Variants in WDR27 observed in about 807,000 individuals in gnomAD.
The protein encoded by WDR27 is WD repeat domain 27.
Under a neutral mutation model 114.4 loss-of-function variants are expected in WDR27, and 100 were observed. The observed-to-expected ratio is 0.87, with a 90% CI of 0.74 to 1.03. The LOEUF (loss-of-function observed/expected upper bound fraction) is 1.03. Among genes scored for constraint, WDR27 ranks in the 50% least tolerant of loss-of-function variants. WDR27 has a pLI of 0.00. For synonymous variants in WDR27, 449 were observed against 423.1 expected, an observed-to-expected ratio of 1.06 and a Z score of -0.75; for missense variants, 1,129 against 1,092.9, an observed-to-expected ratio of 1.03 and a Z score of -0.47.
At chr6:169,528,943 A>G (rs1795257322) in intron 25 of WDR27, among the ~76,000 whole-genome samples, 1 of 152,246 alleles carries the variant, frequency 6.6e-6, no homozygotes, top group East Asian at 1.9e-4. Context: ...AACAGCTATT[A>G]AACAGTGAAG....
chr6:169,570,575 T>C (rs1462878397), intron 25 of WDR27, among the ~76,000 whole-genome samples: 1 of 152,218 alleles, frequency 6.6e-6, no homozygotes, highest in Non-Finnish European at 1.5e-5. Flanking sequence ...ACGCCTGTAA[T>C]CCCAACACTT....
At chr6:169,479,892 C>T (rs148515963) in intron 25 of WDR27, among the ~76,000 whole-genome samples, 167 of 152,324 alleles carry the variant, frequency 1.1e-3, no homozygotes, top group African/African-American at 3.8e-3. Flanking sequence ...TAGCAGCCCT[C>T]GCTTGCTCTC....
At position 169,576,766 on chromosome 6, in the gene WDR27, C is replaced by CAAA. The variant is rs34375216; in HGVS notation, c.2524-4229_2524-4227dup. ...TGGGCAAGAGTGAGACCCTTTCTCA[C>CAAA]AAAAAAAAAAAAGACAAGAAAAGAA... On this transcript the variant is annotated intron_variant, in intron 24 of 25. Coordinates refer to ENST00000448612, the MANE Select transcript of WDR27 (RefSeq NM_182552.5). 7.6e-4 allele frequency among the ~76,000 whole-genome samples: 104 copies of CAAA among 137,470 alleles called. 1 individual carries two copies. Among genetic ancestry groups the CAAA allele is most frequent in the Non-Finnish European group, 9.0e-4 (58 of 64,118 alleles). The allele number at this position is 137,470 out of a possible 152,430, so 90.2% of individuals were successfully genotyped here.
chr6:169,577,373 C>T (rs972670184), intron 24 of WDR27, among the ~76,000 whole-genome samples: 33 of 152,190 alleles, frequency 2.2e-4, no homozygotes, highest in Admixed American at 7.9e-4. Flanking sequence ...CGGGCATCTG[C>T]GAACGGGCGG....
chr6:169,632,921 T>C (rs756427769), intron 21 of WDR27, 26 bp downstream of exon 21: 5 of 1,571,098 alleles, frequency 3.2e-6, no homozygotes, highest in Non-Finnish European at 4.4e-6. Flanking sequence ...TTACAGATGA[T>C]ACATGTTATC....
At chr6:169,498,850 G>C in intron 25 of WDR27, among the ~76,000 whole-genome samples, 1 of 152,280 alleles carries the variant, frequency 6.6e-6, no homozygotes, top group South Asian at 2.1e-4. Flanking sequence ...TGGTTTAAAA[G>C]AACAACAGGA....
intron 25 of WDR27, among the ~76,000 whole-genome samples, chr6:169,528,349 A>G (rs2128075336): frequency 6.6e-6 from 1 of 152,226 alleles, no homozygotes; most frequent in South Asian, 2.1e-4. Context: ...ATATGGTTCC[A>G]TTTTTTGCGG....
intron 25 of WDR27, among the ~76,000 whole-genome samples, chr6:169,516,836 C>CACACACACACACA (rs1562522095): frequency 1.2e-4 from 18 of 149,786 alleles, no homozygotes; most frequent in Non-Finnish European, 2.1e-4. Context: ...CACACACACA[C>CACACACACACACA]CCCTCCCTTA....
rs563418138 is a variant in WDR27, at chr6:169,666,786, C to T, written c.712+350G>A. 3.9e-6 allele frequency: 4 copies of T among 1,013,470 alleles called. No individual in the cohort carries two copies. The Admixed American group carries it at 2.4e-4, about 60-fold the overall frequency. 62.8% of individuals were successfully genotyped at this position (1,013,470 alleles called of 1,614,324 possible). The stretch of plus-strand genomic sequence containing the variant: ...CTCACGCTGGATGGACAGGGCAGTC[C>T]TGGCCCTACCAACACCGCTGGTTCT... On this transcript the variant is annotated intron_variant, in intron 6 of 25. Transcript: ENST00000448612.
At chr6:169,654,739 A>G (rs552429618) in intron 13 of WDR27, among the ~76,000 whole-genome samples, 3 of 151,662 alleles carry the variant, frequency 2.0e-5, no homozygotes, top group Non-Finnish European at 4.4e-5. Context: ...GCACAGGAGG[A>G]GGCGCGCACA....
chr6:169,701,389 A>G (rs1476654960), intron 1 of WDR27, among the ~76,000 whole-genome samples, 162 bp downstream of exon 1: 3 of 152,194 alleles, frequency 2.0e-5, no homozygotes, highest in Admixed American at 2.0e-4. Flanking sequence ...GGGCATAATT[A>G]ACGAGCCCTC....
At chr6:169,700,577 C>T (rs1787656227) in intron 1 of WDR27, among the ~76,000 whole-genome samples, 1 of 152,088 alleles carries the variant, frequency 6.6e-6, no homozygotes, top group African/African-American at 2.4e-5. Flanking sequence ...TTCAGAGGGC[C>T]TAAGGAAAAA....
chr6:169,677,000 T>C (rs1780231001), intron 2 of WDR27, among the ~76,000 whole-genome samples: 1 of 152,196 alleles, frequency 6.6e-6, no homozygotes, highest in African/African-American at 2.4e-5. Context: ...GATGCTTTCA[T>C]TGACATAGCA....
At chr6:169,697,354 T>G (rs943107091) in intron 1 of WDR27, among the ~76,000 whole-genome samples, 1 of 152,146 alleles carries the variant, frequency 6.6e-6, no homozygotes, top group Non-Finnish European at 1.5e-5. Context: ...AGATGCTCTT[T>G]GCCAGGTGGA....
At chr6:169,586,942 C>T (rs1349367474) in intron 23 of WDR27, among the ~76,000 whole-genome samples, 1 of 149,072 alleles carries the variant, frequency 6.7e-6, no homozygotes, top group Non-Finnish European at 1.5e-5. Context: ...TTCTCACTGT[C>T]CTGCTTTCTT....
At chr6:169,475,862 T>C (rs79957491) in intron 25 of WDR27, among the ~76,000 whole-genome samples, 3,080 of 152,318 alleles carry the variant, frequency 0.02, 65 homozygotes, top group East Asian at 0.07. Flanking sequence ...TAAAGTTGAC[T>C]TTATCTTTTA....
chr6:169,533,652 G>A (rs1795873880), intron 25 of WDR27, among the ~76,000 whole-genome samples: 1 of 152,216 alleles, frequency 6.6e-6, no homozygotes, highest in Non-Finnish European at 1.5e-5. Context: ...TGCAAACACA[G>A]GCAGAGCCCC....
intron 13 of WDR27, among the ~76,000 whole-genome samples, chr6:169,655,847 G>C (rs573567959): frequency 4.6e-5 from 7 of 152,352 alleles, no homozygotes; most frequent in African/African-American, 1.7e-4. Flanking sequence ...AGCCTCCTGA[G>C]TAGCTGGGAC....
At chr6:169,501,811 A>C (rs2115485437) in intron 25 of WDR27, among the ~76,000 whole-genome samples, 1 of 152,306 alleles carries the variant, frequency 6.6e-6, no homozygotes, top group African/African-American at 2.4e-5. Flanking sequence ...TGCCTGGTGG[A>C]GACGGGCGCG....
Sources: allele counts gnomAD v4.1 joint callset (sites outside exome capture counted in the v4.1 genomes callset), GRCh38; gene constraint gnomAD v4.1.1; transcripts MANE v1.5; gene names NCBI Gene and HGNC (gene_info 2026-07-23, HGNC 2026-07-21).